The following KLF12 variants were observed in gnomAD, a reference collection of about 807,000 sequenced individuals.
KLF12 encodes Krueppel-like factor 12.
In KLF12, 9 loss-of-function variants were observed where a neutral mutation model predicts 37.8. The ratio of observed to expected loss-of-function variants is 0.24; its 90% CI spans 0.14 to 0.42. The LOEUF (loss-of-function observed/expected upper bound fraction) is 0.42, where lower values mean the gene tolerates loss of function less well. Among genes scored for constraint, KLF12 ranks in the 10% least tolerant of loss-of-function variants. The pLI, the probability that KLF12 is intolerant of heterozygous loss-of-function variation, is 1.00. For synonymous variants in KLF12, 208 were observed against 202.1 expected, an observed-to-expected ratio of 1.03 and a Z score of -0.25; for missense variants, 411 against 516.0, an observed-to-expected ratio of 0.80 and a Z score of 1.97.
At chr13:74,181,988 C>T in the KLF12 span, among the ~76,000 whole-genome samples, 5 of 152,072 alleles carry the variant, frequency 3.3e-5, no homozygotes, top group African/African-American at 4.8e-5. Context: ...GCTATAGATA[C>T]GTCTTTTCAG....
intron 3 of KLF12, among the ~76,000 whole-genome samples, chr13:73,846,852 C>T (rs978854648): frequency 3.3e-5 from 5 of 152,134 alleles, no homozygotes; most frequent in Non-Finnish European, 7.4e-5. Context: ...ACCTCCCACA[C>T]CTGATCACTA....
intron 1 of KLF12, among the ~76,000 whole-genome samples, chr13:74,126,176 T>C (rs1877931453): frequency 6.6e-6 from 1 of 152,196 alleles, no homozygotes; most frequent in Admixed American, 6.5e-5. Flanking sequence ...TATTAAATGA[T>C]ACAAATACAT....
chr13:74,244,719 A>G, the KLF12 span, among the ~76,000 whole-genome samples: 1 of 152,072 alleles, frequency 6.6e-6, no homozygotes, highest in Non-Finnish European at 1.5e-5. Flanking sequence ...TATTTTTTGG[A>G]TTCTAATGTG....
At chr13:74,182,626 G>A in the KLF12 span, among the ~76,000 whole-genome samples, 16 of 152,194 alleles carry the variant, frequency 1.1e-4, 1 homozygote, top group Admixed American at 1.0e-3. Flanking sequence ...TGCACACAGT[G>A]TGCAGAAGAA....
the KLF12 span, among the ~76,000 whole-genome samples, chr13:74,182,838 G>T: frequency 1.3e-5 from 2 of 151,548 alleles, no homozygotes; most frequent in Admixed American, 6.6e-5. Flanking sequence ...AAATACTTTA[G>T]CCTTTTTTTT....
chr13:73,984,968 G>GAATATGGGGGA (rs979348689), intron 2 of KLF12, among the ~76,000 whole-genome samples: 3 of 152,180 alleles, frequency 2.0e-5, no homozygotes, highest in African/African-American at 7.2e-5. Context: ...TGGATGAACA[G>GAATATGGGGGA]AATATGGGGG....
rs545954807 is a variant in KLF12, at chr13:73,686,862, A to G, written c.*8628T>C. The G allele has an allele frequency of 6.6e-6, 1 of 152,276 alleles. No individual in the cohort carries two copies. The highest frequency in any genetic ancestry group is 1.5e-5 in the Non-Finnish European group (1 of 68,038). 9.4% of individuals were successfully genotyped at this position (152,276 alleles called of 1,614,324 possible). A position where few individuals can be genotyped will look rare whatever the true frequency, so the allele number is the denominator to read the frequency against. On this transcript the variant is annotated 3_prime_UTR_variant, in exon 8 of 8. Transcript: ENST00000377669. ...TCTCGTGATCCAATCACCACGTATA[A>G]TGAGCTAAACGTCAAGGAAAAGAAA...
intron 1 of KLF12, among the ~76,000 whole-genome samples, chr13:74,010,715 C>CA (rs565291669): frequency 4.1e-4 from 63 of 151,912 alleles, no homozygotes; most frequent in African/African-American, 1.3e-3. Flanking sequence ...CTAACAAAAT[C>CA]AAAAAAAGCT....
At chr13:73,817,634 A>G (rs1359255571) in intron 4 of KLF12, among the ~76,000 whole-genome samples, 1 of 152,238 alleles carries the variant, frequency 6.6e-6, no homozygotes, top group African/African-American at 2.4e-5. Context: ...TGACGTGGAA[A>G]CAGACCGTAA....
At chr13:73,777,926 G>A (rs1212377765) in intron 5 of KLF12, among the ~76,000 whole-genome samples, 3 of 151,932 alleles carry the variant, frequency 2.0e-5, no homozygotes, top group African/African-American at 7.3e-5. Context: ...GAGATCAGGA[G>A]TTCGAGACCA....
intron 1 of KLF12, among the ~76,000 whole-genome samples, chr13:74,061,712 C>G (rs1403663500): frequency 6.6e-6 from 1 of 152,182 alleles, no homozygotes; most frequent in Non-Finnish European, 1.5e-5. Flanking sequence ...AACATGGTGG[C>G]ACTCTCTGAG....
intron 1 of KLF12, among the ~76,000 whole-genome samples, chr13:74,133,164 G>A (rs75955224): frequency 0.02 from 3,010 of 152,228 alleles, 50 homozygotes; most frequent in Non-Finnish European, 0.03. Context: ...AATGAATGTA[G>A]CACCAGGAGC....
intron 1 of KLF12, among the ~76,000 whole-genome samples, chr13:74,093,475 A>C (rs1263489475): frequency 6.6e-6 from 1 of 152,160 alleles, no homozygotes; most frequent in African/African-American, 2.4e-5. Context: ...AGAATAAGAA[A>C]ATTAAAATAC....
intron 5 of KLF12, among the ~76,000 whole-genome samples, chr13:73,786,833 G>A (rs1224998062): frequency 1.3e-5 from 2 of 151,924 alleles, no homozygotes; most frequent in Non-Finnish European, 2.9e-5. Context: ...GCTGAGGTGC[G>A]AGGAATGCTT....
chr13:73,940,298 G>C (rs1204830469), intron 3 of KLF12, among the ~76,000 whole-genome samples: 1 of 152,142 alleles, frequency 6.6e-6, no homozygotes. Flanking sequence ...AAGAGCACAT[G>C]CCCTTCCTAG....
intron 1 of KLF12, among the ~76,000 whole-genome samples, chr13:74,076,441 C>T (rs1039911737): frequency 6.6e-6 from 1 of 152,022 alleles, no homozygotes; most frequent in African/African-American, 2.4e-5. Context: ...GGTGCCTTGA[C>T]CCTGCATTCT....
At chr13:73,995,872 G>A (rs1376859737) in intron 1 of KLF12, among the ~76,000 whole-genome samples, 2 of 152,060 alleles carry the variant, frequency 1.3e-5, no homozygotes, top group Admixed American at 1.3e-4. Context: ...AATTTTCTTT[G>A]GCATTCAGTT....
chr13:74,164,898 AC>A, the KLF12 span, among the ~76,000 whole-genome samples: 1 of 152,204 alleles, frequency 6.6e-6, no homozygotes, highest in Non-Finnish European at 1.5e-5. Flanking sequence ...AATGATGGTT[AC>A]CAGAGGCTGG....
At chr13:74,022,721 C>T (rs1892874174) in intron 1 of KLF12, among the ~76,000 whole-genome samples, 1 of 151,818 alleles carries the variant, frequency 6.6e-6, no homozygotes, top group Admixed American at 6.6e-5. Flanking sequence ...CCACCTGCAC[C>T]CACCTGCAGT....
Sources: allele counts gnomAD v4.1 joint callset (sites outside exome capture counted in the v4.1 genomes callset), GRCh38; gene constraint gnomAD v4.1.1; transcripts MANE v1.5; gene names NCBI Gene and HGNC (gene_info 2026-07-23, HGNC 2026-07-21).